The following KIAA1217 variants were observed in gnomAD, a reference collection of about 807,000 sequenced individuals.
KIAA1217 encodes the protein sickle tail protein homolog.
A neutral mutation model predicts 163.9 loss-of-function variants in KIAA1217; 88 were observed. The ratio of observed to expected loss-of-function variants is 0.54; its 90% CI spans 0.45 to 0.64. The LOEUF is 0.64. KIAA1217 is among the 30% of genes least tolerant of loss of function. KIAA1217 has a pLI of 0.00. For synonymous variants in KIAA1217, 903 were observed against 923.1 expected (o/e 0.98, Z 0.39); for missense variants, 2,372 against 2,475.0 (o/e 0.96, Z 0.88).
Position 24,211,577 on chromosome 10 carries a change from AT to A in KIAA1217, c.70+2316del, listed in dbSNP as rs1179880933. Among the ~76,000 whole-genome samples, 316 of 143,630 alleles carry A rather than the reference AT, an allele frequency of 2.2e-3. 12 individuals carry two copies. Among genetic ancestry groups the A allele is most frequent in the Middle Eastern group, 0.014 (4 of 280 alleles). 94.2% of individuals were successfully genotyped at this position (143,630 alleles called of 152,430 possible). A position where few individuals can be genotyped will look rare whatever the true frequency, so the allele number is the denominator to read the frequency against. ...ATTGTATTGTATTGTATTGTATTGT[AT>A]TGTATTGTATTGTATTTTATTTTAT... On this transcript the variant is annotated intron_variant, in intron 1 of 20. Coordinates refer to ENST00000376454, the MANE Select transcript of KIAA1217 (RefSeq NM_019590.5).
chr10:24,109,239 G>C (rs12255309), intron 2 of KIAA1217, among the ~76,000 whole-genome samples: 5,628 of 152,264 alleles, frequency 0.037, 316 homozygotes, highest in African/African-American at 0.12. Flanking sequence ...GATGCCACTA[G>C]GGGTGCTTAC....
intron 2 of KIAA1217, among the ~76,000 whole-genome samples, chr10:24,029,057 A>G (rs1156355937): frequency 6.6e-6 from 1 of 152,206 alleles, no homozygotes; most frequent in African/African-American, 2.4e-5. Context: ...TAACATTAGA[A>G]CATAATGAAA....
chr10:24,178,895 A>G (rs971082274), intron 2 of KIAA1217, among the ~76,000 whole-genome samples: 1 of 152,166 alleles, frequency 6.6e-6, no homozygotes. Context: ...TCTTTTAAGT[A>G]TCCCAAATTT....
chr10:23,804,782 T>C (rs1050479495), intron 1 of KIAA1217, among the ~76,000 whole-genome samples: 1 of 152,182 alleles, frequency 6.6e-6, no homozygotes, highest in Non-Finnish European at 1.5e-5. Context: ...AGACAATAGA[T>C]CAGACTATAT....
intron 1 of KIAA1217, among the ~76,000 whole-genome samples, chr10:23,820,090 A>G (rs376490282): frequency 1.8e-4 from 27 of 152,310 alleles, no homozygotes; most frequent in African/African-American, 6.3e-4. Context: ...TTTATTACGT[A>G]GGGTATGTGT....
intron 9 of KIAA1217, among the ~76,000 whole-genome samples, chr10:24,501,905 C>A (rs978206383): frequency 2.6e-5 from 4 of 151,814 alleles, no homozygotes; most frequent in Non-Finnish European, 5.9e-5. Context: ...CCCGCCACCA[C>A]GCCCGGCTAA....
At chr10:23,763,677 A>T (rs900260788) in intron 1 of KIAA1217, among the ~76,000 whole-genome samples, 1 of 152,208 alleles carries the variant, frequency 6.6e-6, no homozygotes, top group Non-Finnish European at 1.5e-5. Flanking sequence ...ACCATTCAGG[A>T]CATAAGCATG....
chr10:24,239,064 A>G (rs2072687866), intron 2 of KIAA1217: 1 of 719,894 alleles, frequency 1.4e-6, no homozygotes, highest in African/African-American at 1.9e-5. Flanking sequence ...TAGGGTTTCC[A>G]TGGAGATTTA....
At chr10:24,500,419 T>TGTGTGC (rs2067421843) in intron 8 of KIAA1217, among the ~76,000 whole-genome samples, 1 of 151,866 alleles carries the variant, frequency 6.6e-6, no homozygotes. Flanking sequence ...TGTGTGTGTG[T>TGTGTGC]GTCTTTATTA....
chr10:24,252,734 G>A (rs192079488), intron 2 of KIAA1217, among the ~76,000 whole-genome samples: 78 of 152,272 alleles, frequency 5.1e-4, no homozygotes, highest in Non-Finnish European at 8.5e-4. Flanking sequence ...GGATGACAGC[G>A]AGAGGCAAAA....
chr10:24,306,180 A>G (rs1018020252), intron 2 of KIAA1217, among the ~76,000 whole-genome samples: 1 of 152,224 alleles, frequency 6.6e-6, no homozygotes, highest in Non-Finnish European at 1.5e-5. Context: ...AATGGTGTCT[A>G]TGAGAACATT....
chr10:24,187,135 A>G (rs2066472123), intron 2 of KIAA1217, among the ~76,000 whole-genome samples: 1 of 82,364 alleles, frequency 1.2e-5, no homozygotes, highest in African/African-American at 4.4e-5. Flanking sequence ...GGAGCTGTTC[A>G]TTAACTAATT....
intron 2 of KIAA1217, among the ~76,000 whole-genome samples, chr10:24,304,715 C>T (rs954897541): frequency 4.6e-5 from 7 of 152,106 alleles, no homozygotes; most frequent in African/African-American, 1.7e-4. Context: ...AAGAAAACTT[C>T]CTTACACCTG....
intron 11 of KIAA1217, among the ~76,000 whole-genome samples, chr10:24,520,665 T>C (rs1312936526): frequency 3.4e-5 from 2 of 59,390 alleles, no homozygotes; most frequent in East Asian, 5.0e-4. Flanking sequence ...TATATATATA[T>C]ATATATATAT....
At chr10:23,872,605 A>G (rs934010040) in intron 1 of KIAA1217, among the ~76,000 whole-genome samples, 1 of 151,642 alleles carries the variant, frequency 6.6e-6, no homozygotes, top group Non-Finnish European at 1.5e-5. Context: ...GTTTTTTTTT[A>G]TTTGCTTCTT....
At chr10:23,702,158 T>A (rs1836498367) in intron 1 of KIAA1217, among the ~76,000 whole-genome samples, 1 of 152,048 alleles carries the variant, frequency 6.6e-6, no homozygotes, top group African/African-American at 2.4e-5. Flanking sequence ...GTGCAGCATA[T>A]CTATGAGAAA....
chr10:24,350,281 G>A (rs1456170699), intron 2 of KIAA1217, among the ~76,000 whole-genome samples: 1 of 152,184 alleles, frequency 6.6e-6, no homozygotes, highest in Non-Finnish European at 1.5e-5. Flanking sequence ...AACATTGAGG[G>A]AGAACATTCT....
chr10:24,145,607 G>A (rs2064273746), intron 2 of KIAA1217, among the ~76,000 whole-genome samples: 1 of 152,216 alleles, frequency 6.6e-6, no homozygotes, highest in African/African-American at 2.4e-5. Context: ...ATCACAAGGT[G>A]AAGTCCCATA....
At chr10:23,893,779 A>C (rs1251559132) in intron 1 of KIAA1217, among the ~76,000 whole-genome samples, 2 of 152,136 alleles carry the variant, frequency 1.3e-5, no homozygotes, top group Non-Finnish European at 2.9e-5. Context: ...CACATCAAAA[A>C]GCTTATCCAT....
Sources: allele counts gnomAD v4.1 joint callset (sites outside exome capture counted in the v4.1 genomes callset), GRCh38; gene constraint gnomAD v4.1.1; transcripts MANE v1.5; gene names NCBI Gene and HGNC (gene_info 2026-07-23, HGNC 2026-07-21).